The following ZPBP variants were observed in gnomAD, a reference collection of about 807,000 sequenced individuals.
ZPBP encodes the protein zona pellucida-binding protein 1.
Under a neutral mutation model 44.8 loss-of-function variants are expected in ZPBP, and 26 were observed. That is an observed-to-expected ratio of 0.58 (90% CI 0.43 to 0.81). The LOEUF (loss-of-function observed/expected upper bound fraction) is 0.81, where lower values mean the gene tolerates loss of function less well. ZPBP is among the 30% of genes least tolerant of loss of function. ZPBP has a pLI of 0.00. For missense variants in ZPBP, 409 were observed against 434.0 expected, an observed-to-expected ratio of 0.94 and a Z score of 0.51; for synonymous variants, 174 against 153.2, an observed-to-expected ratio of 1.14 and a Z score of -1.00.
intron 2 of ZPBP, among the ~76,000 whole-genome samples, chr7:49,881,786 C>A (rs1331599701): frequency 6.6e-6 from 1 of 151,988 alleles, no homozygotes; most frequent in Admixed American, 6.6e-5. Flanking sequence ...AGATTGAAAT[C>A]ACTTTGTATA....
At chr7:50,092,805 A>C in intron 1 of ZPBP, 1 of 411,612 alleles carries the variant, frequency 2.4e-6, no homozygotes, top group East Asian at 5.5e-5. Flanking sequence ...GGAGTTTATC[A>C]ACAAAGCAAT....
chr7:50,023,594 C>T (rs1055723337), intron 5 of ZPBP, among the ~76,000 whole-genome samples: 3 of 151,976 alleles, frequency 2.0e-5, no homozygotes, highest in African/African-American at 4.8e-5. Context: ...CACACACATA[C>T]ACACACACAA....
chr7:49,870,604 C>T (rs1371108336), intron 2 of ZPBP, among the ~76,000 whole-genome samples: 1 of 152,150 alleles, frequency 6.6e-6, no homozygotes, highest in East Asian at 1.9e-4. Context: ...AGGATTTTCA[C>T]ACCTGCACAG....
intron 4 of ZPBP, among the ~76,000 whole-genome samples, chr7:50,037,531 T>C (rs1297980556): frequency 1.3e-5 from 2 of 152,286 alleles, no homozygotes; most frequent in East Asian, 3.9e-4. Context: ...CTTACCATGA[T>C]GGAGCAGGAG....
At chr7:49,963,812 A>T (rs1289316518) in intron 7 of ZPBP, among the ~76,000 whole-genome samples, 1 of 151,834 alleles carries the variant, frequency 6.6e-6, no homozygotes, top group African/African-American at 2.4e-5. Context: ...TAAGGACAAA[A>T]ATTGTTATTA....
Position 49,983,326 on chromosome 7 carries a change from A to G in ZPBP, c.961+16T>C. ...TTTCAACAATATAAAACATGAAATC[A>G]TAATTCATTACATACCACAGCACTC... is the stretch of plus-strand genomic sequence containing the variant. On this transcript the variant is annotated intron_variant, in intron 7 of 7. Transcript: ENST00000046087. 1 of 1,611,962 alleles carries G rather than the reference A, an allele frequency of 6.2e-7. No homozygotes were observed. Among genetic ancestry groups the G allele is most frequent in the Non-Finnish European group, 8.5e-7 (1 of 1,178,494 alleles).
At chr7:50,089,782 T>G in intron 1 of ZPBP, 73 bp from the exon 2 acceptor site, 1 of 1,218,212 alleles carries the variant, frequency 8.2e-7, no homozygotes, top group Non-Finnish European at 1.2e-6. Flanking sequence ...TTACAGTATC[T>G]TTGGTATTGG....
At chr7:49,852,479 T>A (rs530963336) in intron 2 of ZPBP, among the ~76,000 whole-genome samples, 3 of 152,216 alleles carry the variant, frequency 2.0e-5, no homozygotes, top group South Asian at 4.1e-4. Flanking sequence ...AGGGAGATAA[T>A]TTCTTTCCAT....
At chr7:49,893,834 G>A (rs1042063018) in intron 2 of ZPBP, among the ~76,000 whole-genome samples, 1 of 152,222 alleles carries the variant, frequency 6.6e-6, no homozygotes, top group Non-Finnish European at 1.5e-5. Flanking sequence ...TGTTTCAAAA[G>A]AGGTTTGGGA....
rs1360261641 is a variant in ZPBP at position 49,982,286 on chromosome 7, T to G, written c.961+1056A>C. On this transcript the variant is annotated intron_variant, in intron 7 of 7. Coordinates refer to ENST00000046087, the MANE Select transcript of ZPBP (RefSeq NM_007009.3). ...ATATATTATATATAATTTATAATTA[T>G]ACATAATATATATAATATATAATTA... Among the ~76,000 whole-genome samples the G allele has an allele frequency of 8.3e-5, 4 of 48,116 alleles. No individual in the cohort carries two copies. The Admixed American group carries it at 1.2e-3, about 14-fold the overall frequency. 31.6% of individuals were successfully genotyped at this position (48,116 alleles called of 152,430 possible).
At chr7:49,888,012 T>C (rs1791972526) in intron 2 of ZPBP, among the ~76,000 whole-genome samples, 1 of 152,248 alleles carries the variant, frequency 6.6e-6, no homozygotes, top group Non-Finnish European at 1.5e-5. Context: ...GTATCATGTA[T>C]TTGTCCTTGT....
intron 7 of ZPBP, among the ~76,000 whole-genome samples, chr7:49,981,434 T>G (rs76099965): frequency 0.53 from 40,493 of 76,318 alleles, 10,955 homozygotes; most frequent in East Asian, 0.72. Context: ...ATAAAATATA[T>G]ATAATATATA....
chr7:50,048,482 G>A (rs1800502921), intron 4 of ZPBP, among the ~76,000 whole-genome samples: 1 of 151,894 alleles, frequency 6.6e-6, no homozygotes. Context: ...ATAAACCTTT[G>A]AAATAATCCA....
intron 4 of ZPBP, among the ~76,000 whole-genome samples, chr7:50,033,707 T>C (rs921748379): frequency 1.3e-5 from 2 of 152,036 alleles, no homozygotes; most frequent in African/African-American, 2.4e-5. Flanking sequence ...TATTTATTTA[T>C]TTAGAGATGG....
intron 3 of ZPBP, among the ~76,000 whole-genome samples, chr7:50,059,607 G>A (rs1305352434): frequency 6.6e-6 from 1 of 152,154 alleles, no homozygotes; most frequent in Non-Finnish European, 1.5e-5. Flanking sequence ...TCGTAGAGAT[G>A]TAATAAAGGG....
intron 7 of ZPBP, among the ~76,000 whole-genome samples, chr7:49,967,781 G>A (rs1583934007): frequency 6.6e-6 from 1 of 152,090 alleles, no homozygotes; most frequent in South Asian, 2.1e-4. Flanking sequence ...CCTGACCTCA[G>A]GTGATCTGCC....
chr7:50,018,205 T>C, intron 6 of ZPBP, 35 bp downstream of exon 6: 5 of 1,515,492 alleles, frequency 3.3e-6, no homozygotes, highest in African/African-American at 1.4e-5. Context: ...TTCATTTAAC[T>C]TTTTTTTTCC....
intron 7 of ZPBP, 78 bp downstream of exon 7, chr7:49,983,264 A>C: frequency 8.3e-7 from 1 of 1,201,990 alleles, no homozygotes; most frequent in Non-Finnish European, 1.2e-6. Context: ...AAAATAAGTG[A>C]TATGCATTCA....
chr7:49,900,440 G>A (rs1391728320), intron 2 of ZPBP, among the ~76,000 whole-genome samples: 6 of 151,428 alleles, frequency 4.0e-5, no homozygotes, highest in African/African-American at 1.2e-4. Flanking sequence ...ACAAAAAAGA[G>A]GATGCAAATT....
Sources: gnomAD v4.1 joint callset for allele counts (sites outside exome capture counted in the v4.1 genomes callset) on GRCh38, gnomAD v4.1.1 for gene constraint, MANE v1.5 for transcripts, NCBI Gene and HGNC (gene_info 2026-07-23, HGNC 2026-07-21) for gene names.